ARSB: variants seen among roughly 807,000 people sequenced by gnomAD.
ARSB encodes the protein arylsulfatase B.
Under a neutral mutation model 50.9 loss-of-function variants are expected in ARSB, and 41 were observed. The observed-to-expected ratio is 0.81, with a 90% CI of 0.63 to 1.04. ARSB has a LOEUF of 1.04. ARSB is among the 50% of genes least tolerant of loss of function. ARSB has a pLI of 0.00. For missense variants in ARSB, 672 were observed against 693.3 expected (o/e 0.97, Z 0.35); for synonymous variants, 269 against 284.8 (o/e 0.94, Z 0.56).
At chr5:78,832,567 C>G (rs975087671) in intron 6 of ARSB, among the ~76,000 whole-genome samples, 2 of 152,100 alleles carry the variant, frequency 1.3e-5, no homozygotes, top group Non-Finnish European at 2.9e-5. Flanking sequence ...GAGGAGGAAA[C>G]AGGGAGCAGC....
At chr5:78,952,943 C>T (rs1311755186) in intron 4 of ARSB, among the ~76,000 whole-genome samples, 1 of 151,992 alleles carries the variant, frequency 6.6e-6, no homozygotes, top group Non-Finnish European at 1.5e-5. Flanking sequence ...TTGATTCTTT[C>T]TAGTGACTTC....
At chr5:78,860,354 A>C (rs1465976764) in intron 5 of ARSB, among the ~76,000 whole-genome samples, 2 of 151,900 alleles carry the variant, frequency 1.3e-5, no homozygotes, top group South Asian at 4.2e-4. Context: ...TTCTTGCTGA[A>C]TTGAAGTAAA....
At chr5:78,882,277 GGAA>G (rs1444668205) in intron 5 of ARSB, among the ~76,000 whole-genome samples, 2 of 152,304 alleles carry the variant, frequency 1.3e-5, no homozygotes, top group East Asian at 3.9e-4. Context: ...CCTGCCCTGG[GGAA>G]GAAGGATTCT....
Position 78,957,990 on chromosome 5 carries a change from C to A in ARSB, c.691-2488G>T, listed in dbSNP as rs73115818. ...TAAAAAAAATCAGGAAATATCACATCGATCTGTTTTTATATAAAAAAACTT... is the reference window on the plus strand; with the variant it reads ...TAAAAAAAATCAGGAAATATCACATAGATCTGTTTTTATATAAAAAAACTT... On this transcript the variant is annotated intron_variant, in intron 3 of 7. Coordinates refer to ENST00000264914, the MANE Select transcript of ARSB (RefSeq NM_000046.5). 8.0e-3 allele frequency among the ~76,000 whole-genome samples: 1,137 copies of A among 141,566 alleles called. 17 individuals carry two copies. Among genetic ancestry groups the A allele is most frequent in the African/African-American group, 0.027 (1,090 of 39,904 alleles). The allele number at this position is 141,566 out of a possible 152,430, so 92.9% of individuals were successfully genotyped here. A position where few individuals can be genotyped will look rare whatever the true frequency, so the allele number is the denominator to read the frequency against.
chr5:78,852,731 T>A (rs1289660204), intron 5 of ARSB, among the ~76,000 whole-genome samples: 1 of 152,134 alleles, frequency 6.6e-6, no homozygotes, highest in Admixed American at 6.6e-5. Context: ...CATAGTCCCA[T>A]ATTTCTTGGA....
At chr5:78,930,202 G>A (rs994463079) in intron 4 of ARSB, among the ~76,000 whole-genome samples, 6 of 152,120 alleles carry the variant, frequency 3.9e-5, no homozygotes, top group African/African-American at 7.2e-5. Flanking sequence ...CACTGTCAGC[G>A]CAAACACAGC....
chr5:78,812,862 G>A (rs1047512186), intron 6 of ARSB, among the ~76,000 whole-genome samples: 2 of 152,100 alleles, frequency 1.3e-5, no homozygotes, highest in African/African-American at 2.4e-5. Flanking sequence ...ATGGTGGCAT[G>A]TGCCTATAGT....
At chr5:78,896,660 C>G (rs577417653) in intron 4 of ARSB, among the ~76,000 whole-genome samples, 1 of 152,190 alleles carries the variant, frequency 6.6e-6, no homozygotes, top group East Asian at 1.9e-4. Context: ...TATTTTGAAG[C>G]AGTAATATGG....
chr5:78,901,381 A>C (rs1748799321), intron 4 of ARSB, among the ~76,000 whole-genome samples: 2 of 152,196 alleles, frequency 1.3e-5, no homozygotes, highest in Admixed American at 1.3e-4. Flanking sequence ...ATCAATTTTC[A>C]AATAGAAGAA....
intron 6 of ARSB, among the ~76,000 whole-genome samples, chr5:78,791,495 T>C (rs778891278): frequency 2.2e-4 from 34 of 152,242 alleles, no homozygotes; most frequent in Non-Finnish European, 3.7e-4. Context: ...AGGTCCTTCA[T>C]GTGCCAGCTA....
At chr5:78,825,925 T>G (rs1744415041) in intron 6 of ARSB, among the ~76,000 whole-genome samples, 1 of 152,234 alleles carries the variant, frequency 6.6e-6, no homozygotes, top group African/African-American at 2.4e-5. Flanking sequence ...AATCTAAGCT[T>G]TCTTACGTCT....
At chr5:78,890,977 T>A (rs775947155) in intron 4 of ARSB, among the ~76,000 whole-genome samples, 1 of 151,850 alleles carries the variant, frequency 6.6e-6, no homozygotes, top group Non-Finnish European at 1.5e-5. Context: ...TTTTCTACTA[T>A]ACTTAGCTCT....
chr5:78,942,269 T>A (rs1750972574), intron 4 of ARSB, among the ~76,000 whole-genome samples: 1 of 152,240 alleles, frequency 6.6e-6, no homozygotes, highest in African/African-American at 2.4e-5. Flanking sequence ...GGGTTTTTTG[T>A]GTCTCTATCT....
intron 6 of ARSB, among the ~76,000 whole-genome samples, chr5:78,804,010 C>T (rs1743481579): frequency 6.6e-6 from 1 of 152,174 alleles, no homozygotes; most frequent in Non-Finnish European, 1.5e-5. Flanking sequence ...CAGACAGGGC[C>T]CCTGGCAGTC....
At chr5:78,885,458 TC>T (rs1360219870) in intron 5 of ARSB, 125 bp downstream of exon 5, 2 of 1,386,700 alleles carry the variant, frequency 1.4e-6, no homozygotes, top group Non-Finnish European at 1.9e-6. Flanking sequence ...CACTTATTTT[TC>T]TTAAAAATCA....
intron 5 of ARSB, among the ~76,000 whole-genome samples, chr5:78,872,287 A>G (rs1279657475): frequency 6.6e-6 from 1 of 151,334 alleles, no homozygotes; most frequent in Non-Finnish European, 1.5e-5. Flanking sequence ...AACTAGAAAT[A>G]CCATTTGACC....
At chr5:78,860,834 GA>G (rs749330501) in intron 5 of ARSB, among the ~76,000 whole-genome samples, 3 of 152,086 alleles carry the variant, frequency 2.0e-5, no homozygotes, top group African/African-American at 4.8e-5. Context: ...CTGGTTTTCT[GA>G]AAAGATCAAC....
intron 5 of ARSB, among the ~76,000 whole-genome samples, chr5:78,876,641 A>G (rs1747495928): frequency 6.6e-6 from 1 of 152,190 alleles, no homozygotes. Flanking sequence ...TCCAGAGACC[A>G]AGGGAGCTTG....
At chr5:78,868,840 A>T (rs891082241) in intron 5 of ARSB, among the ~76,000 whole-genome samples, 12 of 148,150 alleles carry the variant, frequency 8.1e-5, no homozygotes, top group Non-Finnish European at 1.5e-4. Context: ...AATGGACTAA[A>T]TGCTACAATT....
Sources: allele counts gnomAD v4.1 joint callset (sites outside exome capture counted in the v4.1 genomes callset), GRCh38; gene constraint gnomAD v4.1.1; transcripts MANE v1.5; gene names NCBI Gene and HGNC (gene_info 2026-07-23, HGNC 2026-07-21).